Variants in MAGI2 observed in about 807,000 individuals in gnomAD.
MAGI2 encodes the protein membrane associated guanylate kinase, WW and PDZ domain containing 2, also known as membrane-associated guanylate kinase, WW and PDZ domain-containing protein 2.
In MAGI2, 35 loss-of-function variants were observed where a neutral mutation model predicts 133.3. The observed-to-expected ratio is 0.26, with a 90% confidence interval of 0.20 to 0.35. MAGI2 has a LOEUF of 0.35. Among genes scored for constraint, MAGI2 ranks in the 10% least tolerant of loss-of-function variants. MAGI2 has a pLI of 1.00. For synonymous variants in MAGI2, 729 were observed against 710.6 expected, an observed-to-expected ratio of 1.03 and a Z score of -0.41; for missense variants, 1,636 against 1,863.4, an observed-to-expected ratio of 0.88 and a Z score of 2.25.
intron 2 of MAGI2, among the ~76,000 whole-genome samples, chr7:78,778,686 G>A (rs1396840933): frequency 6.6e-6 from 1 of 152,056 alleles, no homozygotes; most frequent in Non-Finnish European, 1.5e-5. Context: ...AGAAACACTG[G>A]ACAGACACCT....
intron 1 of MAGI2, among the ~76,000 whole-genome samples, chr7:79,227,703 T>C (rs1830977144): frequency 6.6e-6 from 1 of 152,254 alleles, no homozygotes; most frequent in East Asian, 1.9e-4. Flanking sequence ...TCTCAACTTC[T>C]AGCTTCCAAA....
chr7:79,221,294 G>A (rs554978778), intron 1 of MAGI2, among the ~76,000 whole-genome samples: 14 of 151,990 alleles, frequency 9.2e-5, no homozygotes, highest in Admixed American at 2.0e-4. Flanking sequence ...TTGTTATTCC[G>A]TGTTCTACAA....
rs1795513444 is a variant in MAGI2 at position 78,280,988 on chromosome 7, T to A, written c.1409-24407A>T. Reference sequence around the variant, plus strand: ...GTTAAATATTCTTCCTTAAACTGAATCAAAATCTCCTTCCTCATAACTTTT... The same window carrying A: ...GTTAAATATTCTTCCTTAAACTGAAACAAAATCTCCTTCCTCATAACTTTT... On this transcript the variant is annotated intron_variant, in intron 9 of 21. Coordinates refer to ENST00000354212, the MANE Select transcript of MAGI2 (RefSeq NM_012301.4). 3.3e-5 allele frequency among the ~76,000 whole-genome samples: 5 copies of A among 151,950 alleles called. No homozygotes were observed. The South Asian group carries it at 1.0e-3, about 31-fold the overall frequency.
chr7:79,041,857 A>T (rs886546506), intron 1 of MAGI2, among the ~76,000 whole-genome samples: 1 of 152,176 alleles, frequency 6.6e-6, no homozygotes, highest in Non-Finnish European at 1.5e-5. Context: ...AAATAACTTG[A>T]ACTGAATTTT....
intron 1 of MAGI2, among the ~76,000 whole-genome samples, chr7:79,237,138 A>C (rs1528271): frequency 0.64 from 96,704 of 151,924 alleles, 31,562 homozygotes; most frequent in Non-Finnish European, 0.7. Flanking sequence ...GCTACTACTA[A>C]TAATAATGAT....
intron 2 of MAGI2, among the ~76,000 whole-genome samples, chr7:78,987,384 G>T (rs1194193138): frequency 6.6e-6 from 1 of 152,022 alleles, no homozygotes; most frequent in Non-Finnish European, 1.5e-5. Context: ...ACAACTTAAT[G>T]CTGATTATTT....
intron 3 of MAGI2, among the ~76,000 whole-genome samples, chr7:78,550,588 A>G (rs748961882): frequency 6.6e-6 from 1 of 152,228 alleles, no homozygotes; most frequent in African/African-American, 2.4e-5. Context: ...GACACTCCAG[A>G]TAAGAGCTTT....
chr7:78,549,012 A>G (rs1346026905), intron 3 of MAGI2, among the ~76,000 whole-genome samples: 2 of 150,818 alleles, frequency 1.3e-5, no homozygotes, highest in African/African-American at 2.5e-5. Flanking sequence ...ATTCAAGGAA[A>G]AAGTTTCTCT....
At chr7:79,070,188 C>A (rs1343382824) in intron 1 of MAGI2, among the ~76,000 whole-genome samples, 1 of 152,044 alleles carries the variant, frequency 6.6e-6, no homozygotes, top group Non-Finnish European at 1.5e-5. Context: ...TGGATAATAT[C>A]CTGAAGAGTG....
intron 3 of MAGI2, among the ~76,000 whole-genome samples, chr7:78,579,350 T>A (rs777976370): frequency 2.6e-5 from 4 of 152,140 alleles, no homozygotes; most frequent in Non-Finnish European, 4.4e-5. Flanking sequence ...GAGACCAGGA[T>A]ATACCTCCCC....
chr7:79,004,627 A>G (rs1807249987), intron 2 of MAGI2, among the ~76,000 whole-genome samples: 1 of 152,242 alleles, frequency 6.6e-6, no homozygotes, highest in Admixed American at 6.5e-5. Context: ...ACACATAGAA[A>G]TGATAAATAT....
chr7:79,333,302 AT>A (rs1384510345), intron 1 of MAGI2, among the ~76,000 whole-genome samples: 3 of 151,850 alleles, frequency 2.0e-5, no homozygotes, highest in Non-Finnish European at 4.4e-5. Context: ...TAATTTTTGT[AT>A]TTTTAGTACA....
At position 78,302,523 on chromosome 7, in the gene MAGI2, T is replaced by C. The variant is rs1797916960; in HGVS notation, c.1408+41255A>G. Among the ~76,000 whole-genome samples the C allele has an allele frequency of 3.3e-5, 5 of 152,216 alleles. No individual in the cohort carries two copies. The South Asian group carries it at 1.0e-3, about 32-fold the overall frequency. ...ACCTTTAATTTCACTCTCTGCTTTC[T>C]CTATTCTGCTTCTGTGTTTCACAAA... On this transcript the variant is annotated intron_variant, in intron 9 of 21. Coordinates refer to ENST00000354212, the MANE Select transcript of MAGI2 (RefSeq NM_012301.4).
At position 79,116,225 on chromosome 7, in the gene MAGI2, A is replaced by T. The variant is rs372682733; in HGVS notation, c.302-109019T>A. On this transcript the variant is annotated intron_variant, in intron 1 of 21. Coordinates refer to ENST00000354212, the MANE Select transcript of MAGI2 (RefSeq NM_012301.4). ...ATATTCAGCTTCTCTTTTCTTTCTT[A>T]CAAGATTCCCTTAGTTAAAAGTGGC... Among the ~76,000 whole-genome samples the T allele has an allele frequency of 9.2e-5, 14 of 152,282 alleles. No homozygotes were observed. The East Asian group carries it at 2.7e-3, about 29-fold the overall frequency.
chr7:79,332,775 T>A (rs905434900), intron 1 of MAGI2, among the ~76,000 whole-genome samples: 1 of 152,216 alleles, frequency 6.6e-6, no homozygotes, highest in Non-Finnish European at 1.5e-5. Context: ...CTATATTTAA[T>A]CAGTTATTTT....
chr7:78,623,889 A>T (rs1282475101), intron 3 of MAGI2, among the ~76,000 whole-genome samples: 1 of 152,122 alleles, frequency 6.6e-6, no homozygotes, highest in Non-Finnish European at 1.5e-5. Context: ...CAGCCCTTGT[A>T]ATATCATAGT....
At chr7:78,162,524 C>CAAAAA (rs773765110) in intron 15 of MAGI2, among the ~76,000 whole-genome samples, 2 of 54,766 alleles carry the variant, frequency 3.7e-5, no homozygotes, top group Admixed American at 2.1e-4. Flanking sequence ...GACTCTGCCT[C>CAAAAA]AAAAAAAAAA....
chr7:79,161,301 G>T (rs753842523), intron 1 of MAGI2, among the ~76,000 whole-genome samples: 2 of 152,004 alleles, frequency 1.3e-5, no homozygotes, highest in Non-Finnish European at 2.9e-5. Flanking sequence ...AGCCCACAAA[G>T]TATAGGGTAA....
intron 10 of MAGI2, among the ~76,000 whole-genome samples, chr7:78,234,586 CATATA>C (rs1226811562): frequency 2.8e-4 from 2 of 7,034 alleles, no homozygotes; most frequent in African/African-American, 4.7e-4. Context: ...CATTATATTT[CATATA>C]ATATAATGAA....
Sources: allele counts gnomAD v4.1 joint callset (sites outside exome capture counted in the v4.1 genomes callset), GRCh38; gene constraint gnomAD v4.1.1; transcripts MANE v1.5; gene names NCBI Gene and HGNC (gene_info 2026-07-23, HGNC 2026-07-21).